The following TLN2 variants were observed in gnomAD, a reference collection of about 807,000 sequenced individuals.
TLN2 encodes the protein talin 2, also known as talin-2.
TLN2 carries 118 observed loss-of-function variants against 294.7 expected under a neutral mutation model. That is an observed-to-expected ratio of 0.40 (90% CI 0.34 to 0.47). TLN2 has a LOEUF of 0.47. Ranked by LOEUF, TLN2 falls within the 20% of genes least tolerant of loss-of-function variation. The pLI is 0.84. For synonymous variants in TLN2, 1,431 were observed against 1,304.5 expected (o/e 1.10, Z -2.09); for missense variants, 3,083 against 3,282.2 (o/e 0.94, Z 1.48).
intron 54 of TLN2, among the ~76,000 whole-genome samples, chr15:62,825,203 CT>C (rs1413329480): frequency 6.6e-6 from 1 of 152,198 alleles, no homozygotes; most frequent in Admixed American, 6.5e-5. Context: ...CAATCAGTCC[CT>C]CCTTCACACA....
intron 1 of TLN2, among the ~76,000 whole-genome samples, chr15:62,460,062 G>C (rs943802007): frequency 6.6e-6 from 1 of 152,136 alleles, no homozygotes; most frequent in African/African-American, 2.4e-5. Flanking sequence ...GATGTCTGCC[G>C]AGGTGCTGCA....
At chr15:62,797,821 G>T in intron 48 of TLN2, among the ~76,000 whole-genome samples, 1 of 152,216 alleles carries the variant, frequency 6.6e-6, no homozygotes, top group East Asian at 1.9e-4. Context: ...ACTAGTGAGT[G>T]CGCGTGAGCC....
Position 62,803,498 on chromosome 15 carries a change from T to G in TLN2, c.6478-2102T>G, listed in dbSNP as rs529648433. Among the ~76,000 whole-genome samples the G allele has an allele frequency of 2.0e-5, 3 of 152,318 alleles. No homozygotes were observed. The South Asian group carries it at 6.2e-4, about 32-fold the overall frequency. ...GATCCTGTAGGCATGCTTCATTGTT[T>G]TCTATTCTTTTTTGTCTCCTCTATG... On this transcript the variant is annotated intron_variant, in intron 50 of 58. Transcript: ENST00000636159.
At chr15:62,603,254 A>G (rs1380098583) in intron 2 of TLN2, among the ~76,000 whole-genome samples, 2 of 152,174 alleles carry the variant, frequency 1.3e-5, no homozygotes, top group South Asian at 2.1e-4. Context: ...ATAGGTAACA[A>G]TGGAAAAAAT....
Position 62,694,308 on chromosome 15 carries a change from A to G in TLN2, c.1216-8A>G. ...TCATTTTTGCATCTTGTTTTATTGC[A>G]TTTCCAGAAACAAAGTAAAGATCGA... On this transcript the variant is annotated splice_polypyrimidine_tract_variant and splice_region_variant and intron_variant, in intron 13 of 58. Transcript: ENST00000636159. The G allele has an allele frequency of 6.2e-7, 1 of 1,614,008 alleles. No homozygotes were observed. Among genetic ancestry groups the G allele is most frequent in the Non-Finnish European group, 8.5e-7 (1 of 1,179,934 alleles).
intron 52 of TLN2, among the ~76,000 whole-genome samples, chr15:62,815,579 C>G (rs1478367404): frequency 6.6e-6 from 1 of 152,204 alleles, no homozygotes; most frequent in Non-Finnish European, 1.5e-5. Context: ...CGGGGATCCT[C>G]TTCAGTGAGC....
intron 16 of TLN2, among the ~76,000 whole-genome samples, chr15:62,700,836 G>A (rs776027134): frequency 1.3e-5 from 2 of 152,056 alleles, no homozygotes; most frequent in African/African-American, 2.4e-5. Flanking sequence ...AAGGCCACGT[G>A]GAATTTTTCT....
intron 1 of TLN2, among the ~76,000 whole-genome samples, chr15:62,564,914 A>AT (rs1164555590): frequency 3.1e-4 from 38 of 121,934 alleles, no homozygotes; most frequent in African/African-American, 1.4e-3. Flanking sequence ...TCAAAAAAAA[A>AT]AAAAAAAAAA....
chr15:62,544,115 C>T (rs1420710328), intron 1 of TLN2, among the ~76,000 whole-genome samples: 1 of 152,164 alleles, frequency 6.6e-6, no homozygotes, highest in Non-Finnish European at 1.5e-5. Context: ...CATTTGTGTT[C>T]TTAGAGTGGC....
At chr15:62,752,868 T>C (rs1026518383) in intron 35 of TLN2, among the ~76,000 whole-genome samples, 1 of 152,188 alleles carries the variant, frequency 6.6e-6, no homozygotes, top group African/African-American at 2.4e-5. Flanking sequence ...TCCTTGCCCT[T>C]CTTTGACTAT....
At chr15:62,639,233 C>A (rs12438780) in intron 3 of TLN2, among the ~76,000 whole-genome samples, 9 of 2,812 alleles carry the variant, frequency 3.2e-3, no homozygotes, top group Admixed American at 0.014. Context: ...GGTTATAGAT[C>A]TATATCTATA....
rs375198045 is a variant in TLN2 at position 62,842,827 on chromosome 15, CTTTGGGGAG to C, written c.*2223_*2231del. ...TTCTGGAGTCGTCCAGTGCTGGGAG[CTTTGGGGAG>C]TTTGGTTCTCAGTTATCACCTGGTA... On this transcript the variant is annotated 3_prime_UTR_variant, in exon 59 of 59. Transcript: ENST00000636159. 65 of 152,318 alleles carry C rather than the reference CTTTGGGGAG, an allele frequency of 4.3e-4. 1 individual carries two copies. Among genetic ancestry groups the C allele is most frequent in the African/African-American group, 1.5e-3 (63 of 41,552 alleles). 9.4% of individuals were successfully genotyped at this position (152,318 alleles called of 1,614,324 possible).
intron 1 of TLN2, among the ~76,000 whole-genome samples, chr15:62,435,276 A>G (rs574536442): frequency 6.6e-6 from 1 of 152,318 alleles, no homozygotes; most frequent in East Asian, 1.9e-4. Context: ...CTTTGGGCAT[A>G]TACTCAATAA....
intron 1 of TLN2, among the ~76,000 whole-genome samples, chr15:62,524,407 T>C (rs2040624182): frequency 6.6e-6 from 1 of 152,128 alleles, no homozygotes. Context: ...TAGGAAGCAA[T>C]TTAGGCATGG....
At chr15:62,583,876 A>C (rs2045357337) in intron 1 of TLN2, among the ~76,000 whole-genome samples, 1 of 152,220 alleles carries the variant, frequency 6.6e-6, no homozygotes, top group Non-Finnish European at 1.5e-5. Context: ...TTAGTGAACA[A>C]TAAAGAATTC....
intron 26 of TLN2, among the ~76,000 whole-genome samples, chr15:62,723,936 T>A (rs1322693317): frequency 6.6e-6 from 1 of 151,282 alleles, no homozygotes; most frequent in Non-Finnish European, 1.5e-5. Flanking sequence ...ATTGCTTGAG[T>A]CCAGGAGTTC....
intron 1 of TLN2, among the ~76,000 whole-genome samples, chr15:62,457,709 G>A (rs2036562753): frequency 6.6e-6 from 1 of 152,192 alleles, no homozygotes; most frequent in South Asian, 2.1e-4. Flanking sequence ...TGACAAAGGG[G>A]AGGAGTGCAA....
chr15:62,694,489 T>A, intron 14 of TLN2, 97 bp downstream of exon 14: 2 of 955,494 alleles, frequency 2.1e-6, no homozygotes, highest in Non-Finnish European at 3.3e-6. Context: ...GCCTGTCACC[T>A]GGAGAAGATG....
chr15:62,618,778 G>A (rs1201647231), intron 3 of TLN2, among the ~76,000 whole-genome samples: 1 of 152,226 alleles, frequency 6.6e-6, no homozygotes, highest in Non-Finnish European at 1.5e-5. Flanking sequence ...TTCTCCTGAT[G>A]TGTAGGTTTT....
Sources: gnomAD v4.1 joint callset for allele counts (sites outside exome capture counted in the v4.1 genomes callset) on GRCh38, gnomAD v4.1.1 for gene constraint, MANE v1.5 for transcripts, NCBI Gene and HGNC (gene_info 2026-07-23, HGNC 2026-07-21) for gene names.